Variants in USP11 observed in about 807,000 individuals in gnomAD.
USP11 encodes the protein ubiquitin carboxyl-terminal hydrolase 11.
In USP11, 5 loss-of-function variants were observed where a neutral mutation model predicts 72.8. That is an observed-to-expected ratio of 0.07 (90% confidence interval 0.04 to 0.14). USP11 has a LOEUF of 0.14. USP11 is among the 10% of genes least tolerant of loss of function. The probability of loss-of-function intolerance (pLI) is 1.00; values close to 1 mark genes in which losing one functional copy is unlikely to be tolerated. For missense variants in USP11, 480 were observed against 794.7 expected (o/e 0.60, Z 4.76); for synonymous variants, 368 against 326.5 (o/e 1.13, Z -1.37).
rs5953017 is a variant in USP11 at position 47,242,989 on chromosome X, C to T, written c.1583+269C>T. Among the ~76,000 whole-genome samples, 9,384 of 111,487 alleles carry T rather than the reference C, an allele frequency of 0.084. 985 individuals are homozygous for T. Among genetic ancestry groups the T allele is most frequent in the African/African-American group, 0.29 (8,855 of 30,476 alleles). ...CATCTCAAAAATAAATAAAGCCGGG[C>T]GCGGTGGCTCACGCCTGTAATCCCA... On this transcript the variant is annotated intron_variant, in intron 12 of 20. Transcript: ENST00000377107.
At chrX:47,247,449 C>T in intron 19 of USP11, 30 bp downstream of exon 19, 2 of 1,201,107 alleles carry the variant, frequency 1.7e-6, no homozygotes, top group Non-Finnish European at 2.3e-6. Flanking sequence ...TGGGGCCTGC[C>T]CTGGGGGTTC....
rs375014356 is a variant in USP11 at position 47,247,056 on chromosome X, C to T, written c.2271-16C>T. On this transcript the variant is annotated splice_polypyrimidine_tract_variant and intron_variant, in intron 17 of 20. Transcript: ENST00000377107. ...AAAAGAAAAAGTCCGTTTGCTGACTCGGGCTCTGTCTGTAGGTACTGCCCT... is the reference window on the plus strand; with the variant it reads ...AAAAGAAAAAGTCCGTTTGCTGACTTGGGCTCTGTCTGTAGGTACTGCCCT... 2.0e-4 allele frequency: 232 copies of T among 1,184,404 alleles called. No homozygotes were observed. The highest frequency in any genetic ancestry group is 1.1e-3 in the South Asian group (58 of 53,221).
chrX:47,239,234 TC>T, intron 2 of USP11, 55 bp downstream of exon 2: 2 of 1,176,479 alleles, frequency 1.7e-6, no homozygotes. Flanking sequence ...GTCCCTTCCG[TC>T]CCTACAGATG....
intron 1 of USP11, chrX:47,233,761 AGCTGAGGGGCGTGCTCTGAGGCCGAGGG>A: frequency 1.5e-5 from 1 of 66,383 alleles, no homozygotes; most frequent in Non-Finnish European, 4.1e-5. Context: ...TGGTGACGTG[AGCTGAGGGGCGTGCTCTGAGGCCGAGGG>A]ACGACAGTGG....
chrX:47,245,035 C>A lies in USP11; in HGVS notation c.2106C>A (p.Ile702=). 1 of 1,211,701 alleles carries A rather than the reference C, an allele frequency of 8.3e-7. No homozygotes were observed. The highest frequency in any genetic ancestry group is 1.8e-5 in the South Asian group (1 of 56,924). ...EEVHAQPYIA[I]DWEPEMKKRY... ...CCCCAGCCCAGCCGTACATTGCTAT[C>A]GACTGGGAGCCAGAGATGAAGAAGC... is the stretch of plus-strand genomic sequence containing the variant. Residue 702 remains isoleucine (I), a synonymous_variant, in exon 16 of 21, where the codon ATC becomes ATA. Coordinates refer to ENST00000377107, the MANE Select transcript of USP11 (RefSeq NM_001371072.1).
intron 1 of USP11, among the ~76,000 whole-genome samples, chrX:47,237,131 AAAG>A (rs763252478): frequency 2.7e-5 from 3 of 112,146 alleles, no homozygotes; most frequent in Admixed American, 9.5e-5. Context: ...CTGCTCTTAA[AAAG>A]AAGTTGAGCA....
Position 47,242,685 on chromosome X carries a change from T to C in USP11, c.1548T>C (p.Pro516=), listed in dbSNP as rs2147352636. The change falls in exon 12 of 21, where the codon CCT becomes CCC. Residue 516 remains proline (P), a synonymous_variant. Coordinates refer to ENST00000377107, the MANE Select transcript of USP11 (RefSeq NM_001371072.1). ...ATAAGCTCTATCAGCTAGAGGAGCC[T>C]CTGAGCAGCATCTTGGACCGTGATG... is the stretch of plus-strand genomic sequence containing the variant. ...RFYKLYQLEE[P]LSSILDRDDI... is the part of the protein sequence containing the mutation. The C allele has an allele frequency of 1.7e-6, 2 of 1,210,678 alleles. No homozygotes were observed. Among genetic ancestry groups the C allele is most frequent in the Non-Finnish European group, 2.2e-6 (2 of 894,322 alleles).
At chrX:47,246,990 C>T in intron 17 of USP11, 82 bp from the exon 18 acceptor site, 1 of 1,103,180 alleles carries the variant, frequency 9.1e-7, no homozygotes, top group Non-Finnish European at 1.2e-6. Context: ...CACTGTACTC[C>T]AGCCTGGGCA....
In USP11 at chrX:47,244,731, C is replaced by T; in HGVS notation, c.1893C>T (p.Gly631=). Residue 631 remains glycine, a synonymous_variant, in exon 15 of 21, where the codon GGC becomes GGT. Coordinates refer to ENST00000377107, the MANE Select transcript of USP11 (RefSeq NM_001371072.1). ...ACGTCCCTGGGCCCTCAACTGGGGGCAGCCTCCGAGACCCTGAGCCAGAGC... is the reference window on the plus strand; with the variant it reads ...ACGTCCCTGGGCCCTCAACTGGGGGTAGCCTCCGAGACCCTGAGCCAGAGC... The part of the protein sequence containing the change: ...KDDVPGPSTG[G]SLRDPEPEQA... The T allele has an allele frequency of 8.3e-7, 1 of 1,209,422 alleles. No individual in the cohort carries two copies. Among genetic ancestry groups the T allele is most frequent in the Non-Finnish European group, 1.1e-6 (1 of 894,546 alleles).
Position 47,241,439 on chromosome X carries a change from C to T in USP11, c.1009C>T (p.His337Tyr). 8.3e-7 allele frequency: 1 copy of T among 1,206,607 alleles called. No individual in the cohort carries two copies. Among genetic ancestry groups the T allele is most frequent in the South Asian group, 1.8e-5 (1 of 55,964 alleles). Residue 337 changes from histidine to tyrosine, a missense_variant, in exon 8 of 21, where the codon CAT becomes TAT. Around this residue, in one of 5 missense-constraint regions of USP11, gnomAD observed 314 missense variants for 556.0 expected, o/e 0.56. Transcript: ENST00000377107. ...WSGHHRSIVP[H>Y]VFKNKVGHFA... The stretch of plus-strand genomic sequence containing the variant: ...TGGCCACCACCGCTCCATTGTGCCA[C>T]ATGTGTTCAAGGTGTGACTCAACCC...
intron 19 of USP11, 40 bp from the exon 20 acceptor site, chrX:47,247,571 G>T (rs763085192): frequency 8.3e-7 from 1 of 1,197,634 alleles, no homozygotes; most frequent in African/African-American, 1.7e-5. Context: ...CTTCTGAGAG[G>T]CAGGAAGGGT....
At chrX:47,233,314 C>T (rs1602705039) in intron 1 of USP11, 95 bp downstream of exon 1, 1 of 712,817 alleles carries the variant, frequency 1.4e-6, no homozygotes, top group South Asian at 4.2e-5. Flanking sequence ...GGGAAAGCTG[C>T]TGCGGGGTGC....
At position 47,248,152 on chromosome X, in the gene USP11, C is replaced by A; in HGVS notation, c.*222C>A. On this transcript the variant is annotated 3_prime_UTR_variant, in exon 21 of 21. Transcript: ENST00000377107. Reference sequence around the variant, plus strand: ...CGCGCCCCGCCTGTGTTTGCCCTTCCAGCAGTGACCCTCCCTTCTAGTCTT... The same window carrying A: ...CGCGCCCCGCCTGTGTTTGCCCTTCAAGCAGTGACCCTCCCTTCTAGTCTT... 2.2e-6 allele frequency: 1 copy of A among 447,820 alleles called. No homozygotes were observed. Among genetic ancestry groups the A allele is most frequent in the Non-Finnish European group, 3.6e-6 (1 of 274,656 alleles). 36.9% of individuals were successfully genotyped at this position (447,820 alleles called of 1,213,427 possible).
At position 47,240,239 on chromosome X, in the gene USP11, T is replaced by C. The variant is rs1233510313; in HGVS notation, c.536-66T>C. ...GAGGTCCGTAGGGATGAGTCAGGTATGCCCAGATGGATTGATCATTTTGGG... is the reference window on the plus strand; with the variant it reads ...GAGGTCCGTAGGGATGAGTCAGGTACGCCCAGATGGATTGATCATTTTGGG... On this transcript the variant is annotated intron_variant, in intron 4 of 20. Coordinates refer to ENST00000377107, the MANE Select transcript of USP11 (RefSeq NM_001371072.1). 6 of 1,171,757 alleles carry C rather than the reference T, an allele frequency of 5.1e-6. No homozygotes were observed. The Admixed American group carries it at 1.5e-4, about 29-fold the overall frequency.
At chrX:47,234,085 CATTTT>C (rs2055360298) in intron 1 of USP11, among the ~76,000 whole-genome samples, 1 of 111,860 alleles carries the variant, frequency 8.9e-6, no homozygotes, top group East Asian at 2.8e-4. Context: ...CTTCTGAGTT[CATTTT>C]ATTTCTCGCC....
At chrX:47,234,561 A>G (rs998250308) in intron 1 of USP11, among the ~76,000 whole-genome samples, 2 of 111,797 alleles carry the variant, frequency 1.8e-5, no homozygotes, top group African/African-American at 6.5e-5. Flanking sequence ...TTTATTCTCA[A>G]ATGCCTGAAA....
At chrX:47,244,984 A>G (rs1220385841) in intron 15 of USP11, 32 bp from the exon 16 acceptor site, 2 of 1,209,865 alleles carry the variant, frequency 1.7e-6, no homozygotes, top group Non-Finnish European at 2.2e-6. Flanking sequence ...TCCTGGCAGC[A>G]GGATCCATGA....
At chrX:47,233,317 C>G (rs1449391499) in intron 1 of USP11, 98 bp downstream of exon 1, 140 of 169,531 alleles carry the variant, frequency 8.3e-4, no homozygotes, top group Admixed American at 5.0e-3. Flanking sequence ...AAAGCTGCTG[C>G]GGGGTGCGGG....
At position 47,248,106 on chromosome X, in the gene USP11, T is replaced by C; in HGVS notation, c.*176T>C. The C allele has an allele frequency of 1.4e-6, 1 of 709,649 alleles. No individual in the cohort carries two copies. The highest frequency in any genetic ancestry group is 3.0e-5 in the South Asian group (1 of 33,034). 58.5% of individuals were successfully genotyped at this position (709,649 alleles called of 1,213,427 possible). A position where few individuals can be genotyped will look rare whatever the true frequency, so the allele number is the denominator to read the frequency against. On this transcript the variant is annotated 3_prime_UTR_variant, in exon 21 of 21. Coordinates refer to ENST00000377107, the MANE Select transcript of USP11 (RefSeq NM_001371072.1). ...TCGCTCTCTCCCGGGAAAGAACAGG[T>C]CGTGTCTCCTCCTAGCAGTGCGCGC...
Sources: gnomAD v4.1 joint callset for allele counts (sites outside exome capture counted in the v4.1 genomes callset) on GRCh38, gnomAD v4.1.1 for gene constraint, gnomAD v4.1.1 regional missense constraint, MANE v1.5 for transcripts, NCBI Gene and HGNC (gene_info 2026-07-23, HGNC 2026-07-21) for gene names.